Variants in PDE3A observed in about 807,000 individuals in gnomAD.
PDE3A encodes the protein cGMP-inhibited 3',5'-cyclic phosphodiesterase 3A.
A neutral mutation model predicts 98.3 loss-of-function variants in PDE3A; 43 were observed. That is an observed-to-expected ratio of 0.44 (90% CI 0.34 to 0.56). The LOEUF is 0.56. Ranked by LOEUF, PDE3A falls within the 20% of genes least tolerant of loss-of-function variation. The pLI is 0.01. For synonymous variants in PDE3A, 663 were observed against 567.9 expected, an observed-to-expected ratio of 1.17 and a Z score of -2.38; for missense variants, 1,427 against 1,440.7, an observed-to-expected ratio of 0.99 and a Z score of 0.15.
intron 15 of PDE3A, among the ~76,000 whole-genome samples, chr12:20,666,391 T>C (rs1004018197): frequency 6.6e-6 from 1 of 152,210 alleles, no homozygotes; most frequent in African/African-American, 2.4e-5. Flanking sequence ...ACTAGTATGT[T>C]TGTGCTCATT....
At chr12:20,650,696 AT>A in intron 14 of PDE3A, 96 bp downstream of exon 14, 1 of 645,752 alleles carries the variant, frequency 1.5e-6, no homozygotes, top group Non-Finnish European at 2.5e-6. Context: ...TGATCACTCT[AT>A]TTTATATTCA....
intron 3 of PDE3A, 98 bp downstream of exon 3, chr12:20,613,798 T>C: frequency 1.2e-6 from 1 of 842,122 alleles, no homozygotes; most frequent in African/African-American, 1.7e-5. Context: ...TGCAGATTCA[T>C]ATCAGTGACT....
chr12:20,401,916 A>C (rs1000239345), intron 1 of PDE3A, among the ~76,000 whole-genome samples: 4 of 152,222 alleles, frequency 2.6e-5, no homozygotes, highest in Non-Finnish European at 5.9e-5. Flanking sequence ...GAATGCAGGT[A>C]GTGCTTGGAA....
chr12:20,409,492 C>T (rs534060023), intron 1 of PDE3A, among the ~76,000 whole-genome samples: 1 of 152,036 alleles, frequency 6.6e-6, no homozygotes, highest in Non-Finnish European at 1.5e-5. Context: ...CATTTTCTTT[C>T]AGAAATGATC....
intron 2 of PDE3A, among the ~76,000 whole-genome samples, chr12:20,597,738 C>T (rs543915708): frequency 1.3e-5 from 2 of 152,158 alleles, no homozygotes; most frequent in Non-Finnish European, 2.9e-5. Flanking sequence ...CCTTTCAGTT[C>T]CCTGAATGCC....
At chr12:20,456,844 G>C (rs1172119136) in intron 1 of PDE3A, among the ~76,000 whole-genome samples, 1 of 152,074 alleles carries the variant, frequency 6.6e-6, no homozygotes, top group Non-Finnish European at 1.5e-5. Context: ...ATCAAGCAAA[G>C]GGCGTATGCT....
chr12:20,624,889 A>T (rs991995101), intron 5 of PDE3A, among the ~76,000 whole-genome samples: 1 of 152,162 alleles, frequency 6.6e-6, no homozygotes, highest in Non-Finnish European at 1.5e-5. Flanking sequence ...GGTTTTCCAT[A>T]AACTCCATGG....
At chr12:20,406,217 A>G (rs796781862) in intron 1 of PDE3A, among the ~76,000 whole-genome samples, 6 of 152,324 alleles carry the variant, frequency 3.9e-5, no homozygotes, top group African/African-American at 1.4e-4. Flanking sequence ...TCTCTGTGAC[A>G]TGCTGTTTTT....
At chr12:20,617,870 T>G (rs757648861) in intron 4 of PDE3A, among the ~76,000 whole-genome samples, 9 of 152,132 alleles carry the variant, frequency 5.9e-5, no homozygotes, top group Non-Finnish European at 8.8e-5. Context: ...GGGTTTAAAT[T>G]GAAATGATGA....
rs992358852 is a variant in PDE3A, at chr12:20,682,477, A to G, written c.*2206A>G. ...AAAGATAATACGACAAAAAATATACATGGTTTCAAGGCAAATTCTCCAATA... is the reference window on the plus strand; with the variant it reads ...AAAGATAATACGACAAAAAATATACGTGGTTTCAAGGCAAATTCTCCAATA... On this transcript the variant is annotated 3_prime_UTR_variant, in exon 16 of 16. Transcript: ENST00000359062. 7.2e-5 allele frequency: 11 copies of G among 152,220 alleles called. No individual in the cohort carries two copies. Among genetic ancestry groups the G allele is most frequent in the African/African-American group, 2.4e-4 (10 of 41,464 alleles). 9.4% of individuals were successfully genotyped at this position (152,220 alleles called of 1,614,324 possible). A position where few individuals can be genotyped will look rare whatever the true frequency, so the allele number is the denominator to read the frequency against.
At chr12:20,668,334 G>A (rs1252407546) in intron 15 of PDE3A, among the ~76,000 whole-genome samples, 1 of 150,492 alleles carries the variant, frequency 6.6e-6, no homozygotes, top group African/African-American at 2.4e-5. Context: ...GCTCGAACTG[G>A]GTGGAGCCCA....
At chr12:20,661,735 C>T (rs921750563) in intron 15 of PDE3A, among the ~76,000 whole-genome samples, 1 of 152,174 alleles carries the variant, frequency 6.6e-6, no homozygotes, top group South Asian at 2.1e-4. Context: ...GGAACCTCTG[C>T]CTATATTTCA....
chr12:20,432,534 A>C (rs1383632121), intron 1 of PDE3A, among the ~76,000 whole-genome samples: 1 of 152,178 alleles, frequency 6.6e-6, no homozygotes, highest in Non-Finnish European at 1.5e-5. Flanking sequence ...ATGGTTTCAC[A>C]AGTATATATA....
intron 1 of PDE3A, among the ~76,000 whole-genome samples, chr12:20,370,949 T>A (rs1441202520): frequency 6.6e-6 from 1 of 152,254 alleles, no homozygotes; most frequent in Non-Finnish European, 1.5e-5. Context: ...TTGTTCAAAA[T>A]TGTCAACTGC....
At chr12:20,599,241 C>T (rs569503602) in intron 2 of PDE3A, among the ~76,000 whole-genome samples, 1 of 152,192 alleles carries the variant, frequency 6.6e-6, no homozygotes, top group East Asian at 1.9e-4. Flanking sequence ...CTCTCTAGAC[C>T]TGTTCTTTCA....
chr12:20,675,836 ATCTGTCTTT>A (rs1196526903), intron 15 of PDE3A, among the ~76,000 whole-genome samples: 17 of 152,112 alleles, frequency 1.1e-4, no homozygotes, highest in Admixed American at 7.2e-4. Context: ...TCTAGTCTAT[ATCTGTCTTT>A]TCTATCTTTT....
At chr12:20,623,606 G>A (rs911241570) in intron 5 of PDE3A, among the ~76,000 whole-genome samples, 4 of 151,882 alleles carry the variant, frequency 2.6e-5, no homozygotes, top group South Asian at 2.1e-4. Flanking sequence ...TTTACCACCC[G>A]CCAAATCTTT....
At chr12:20,580,360 G>C (rs1401426764) in intron 2 of PDE3A, among the ~76,000 whole-genome samples, 1 of 152,120 alleles carries the variant, frequency 6.6e-6, no homozygotes, top group Non-Finnish European at 1.5e-5. Context: ...CATTTTAATG[G>C]TCTACTGTTG....
At chr12:20,408,418 ATACTC>A (rs2120695792) in intron 1 of PDE3A, among the ~76,000 whole-genome samples, 1 of 152,216 alleles carries the variant, frequency 6.6e-6, no homozygotes, top group South Asian at 2.1e-4. Flanking sequence ...GTAATATTGT[ATACTC>A]TAGTTTAATT....
Sources: gnomAD v4.1 joint callset for allele counts (sites outside exome capture counted in the v4.1 genomes callset) on GRCh38, gnomAD v4.1.1 for gene constraint, MANE v1.5 for transcripts, NCBI Gene and HGNC (gene_info 2026-07-23, HGNC 2026-07-21) for gene names.